EPHA4: variants seen among roughly 807,000 people sequenced by gnomAD.
The protein encoded by EPHA4 is EPH receptor A4.
EPHA4 carries 19 observed loss-of-function variants against 108.3 expected under a neutral mutation model. The observed-to-expected ratio is 0.18, with a 90% CI of 0.12 to 0.26. The LOEUF (loss-of-function observed/expected upper bound fraction) is 0.26. EPHA4 is among the 10% of genes least tolerant of loss of function. The probability of loss-of-function intolerance (pLI) is 1.00; values close to 1 mark genes in which losing one functional copy is unlikely to be tolerated. For synonymous variants in EPHA4, 449 were observed against 455.5 expected (o/e 0.99, Z 0.18); for missense variants, 917 against 1,254.0 (o/e 0.73, Z 4.06).
rs766465905 is a variant in EPHA4, at chr2:221,563,886, G to C, written c.668C>G (p.Thr223Arg). 6.2e-7 allele frequency: 1 copy of C among 1,614,206 alleles called. No individual in the cohort carries two copies. The highest frequency in any genetic ancestry group is 8.5e-7 in the Non-Finnish European group (1 of 1,180,044). The change falls in exon 3 of 18, where the codon ACG becomes AGG. Residue 223 changes from threonine (T) to arginine (R), a missense_variant. By Grantham distance (71) the Thr-to-Arg change is moderately conservative (BLOSUM62 -1). This residue lies in a region of EPHA4 where 758 missense variants were observed against 1,076.7 expected (regional missense o/e 0.70). Transcript: ENST00000281821. ...QFPDTITGAD[T>R]SSLVEVRGSC... ...GCCTCGAACTTCCACCAGGGAAGAC[G>C]TATCAGCCCCTGTGATGGTGTCAGG...
intron 5 of EPHA4, among the ~76,000 whole-genome samples, chr2:221,473,496 C>T (rs1315060455): frequency 7.3e-6 from 1 of 137,494 alleles, no homozygotes; most frequent in Non-Finnish European, 1.5e-5. Flanking sequence ...GATTTAAGAT[C>T]TCTTAATGCA....
intron 4 of EPHA4, among the ~76,000 whole-genome samples, chr2:221,485,265 A>G (rs1332884080): frequency 5.3e-5 from 8 of 152,206 alleles, no homozygotes. Flanking sequence ...ACTCAGAGAT[A>G]TAGCACTTCC....
chr2:221,504,385 C>T (rs1449922759), intron 3 of EPHA4, among the ~76,000 whole-genome samples: 3 of 133,432 alleles, frequency 2.2e-5, no homozygotes, highest in Non-Finnish European at 3.3e-5. Flanking sequence ...AGAACCAACT[C>T]TTCTTTCATT....
chr2:221,526,852 CAAAAAAAAAAAAAAAAAAAAAAAAAAA>C (rs528335766), intron 3 of EPHA4, among the ~76,000 whole-genome samples: 21 of 48,616 alleles, frequency 4.3e-4, no homozygotes, highest in East Asian at 2.9e-3. Context: ...GACTCGGCCT[CAAAAAAAAAAAAAAAAAAAAAAAAAAA>C]AAAAAAAAAA....
At chr2:221,537,681 T>G (rs1693710534) in intron 3 of EPHA4, among the ~76,000 whole-genome samples, 1 of 152,194 alleles carries the variant, frequency 6.6e-6, no homozygotes, top group African/African-American at 2.4e-5. Flanking sequence ...CCCTAGCTAC[T>G]CAGGAGGCTG....
chr2:221,435,949 AAGG>A lies in EPHA4; in HGVS notation c.2346+447_2346+449del, dbSNP rs1468172369. ...CCTAAAACAACAACAAAAAAAAAAA[AAGG>A]AAGAAAGAGGCAGGAAGACAGGCAG... On this transcript the variant is annotated intron_variant, in intron 13 of 17. Transcript: ENST00000281821. Among the ~76,000 whole-genome samples, 13 of 151,966 alleles carry A rather than the reference AAGG, an allele frequency of 8.6e-5. No individual in the cohort carries two copies. In the East Asian group the frequency reaches 9.7e-4, roughly 11 times the overall value.
intron 4 of EPHA4, among the ~76,000 whole-genome samples, chr2:221,487,650 A>G (rs1477154703): frequency 1.3e-5 from 2 of 152,210 alleles, no homozygotes; most frequent in Non-Finnish European, 2.9e-5. Context: ...GATTGGTACA[A>G]AAGTAATGGT....
chr2:221,471,055 T>C (rs553923237), intron 5 of EPHA4, among the ~76,000 whole-genome samples: 16 of 152,220 alleles, frequency 1.1e-4, no homozygotes, highest in African/African-American at 3.6e-4. Flanking sequence ...ATAGGCATTA[T>C]AAGAATGGGG....
chr2:221,429,932 A>G lies in EPHA4; in HGVS notation c.2690+26T>C, dbSNP rs201216689. Reference sequence around the variant, plus strand: ...CCTCCTCTAATGTGTTCTTTCATACATCACTATTAAGTAAGCATGGCTGAC... The same window carrying G: ...CCTCCTCTAATGTGTTCTTTCATACGTCACTATTAAGTAAGCATGGCTGAC... On this transcript the variant is annotated intron_variant, in intron 15 of 17. Coordinates refer to ENST00000281821, the MANE Select transcript of EPHA4 (RefSeq NM_004438.5). 5.6e-4 allele frequency: 910 copies of G among 1,611,964 alleles called. 1 individual carries two copies. The highest frequency in any genetic ancestry group is 1.3e-3 in the South Asian group (121 of 90,514).
chr2:221,533,725 CAAAAAAAAAAAAAAAAA>C (rs144676444), intron 3 of EPHA4, among the ~76,000 whole-genome samples: 5 of 63,480 alleles, frequency 7.9e-5, no homozygotes, highest in East Asian at 6.0e-4. Context: ...TGACTAGTGT[CAAAAAAAAAAAAAAAAA>C]AAAAAAAAAA....
chr2:221,494,369 C>T (rs982346834), intron 4 of EPHA4, among the ~76,000 whole-genome samples: 3 of 152,192 alleles, frequency 2.0e-5, no homozygotes, highest in Admixed American at 6.5e-5. Flanking sequence ...TCTGGGAGGC[C>T]TAGGCGGGCG....
intron 3 of EPHA4, among the ~76,000 whole-genome samples, chr2:221,557,932 T>C (rs1559292866): frequency 6.6e-6 from 1 of 152,312 alleles, no homozygotes; most frequent in East Asian, 1.9e-4. Flanking sequence ...CATTCAATGT[T>C]TTAACAAAAA....
intron 3 of EPHA4, among the ~76,000 whole-genome samples, chr2:221,503,098 T>C (rs1692527010): frequency 6.6e-6 from 1 of 152,192 alleles, no homozygotes; most frequent in African/African-American, 2.4e-5. Flanking sequence ...AATGAGCCTC[T>C]GAACAGGAAC....
chr2:221,552,805 C>T (rs1299621599), intron 3 of EPHA4, among the ~76,000 whole-genome samples: 1 of 152,034 alleles, frequency 6.6e-6, no homozygotes, highest in Non-Finnish European at 1.5e-5. Context: ...GAAATTTGAT[C>T]GAGTATTTTA....
intron 5 of EPHA4, among the ~76,000 whole-genome samples, chr2:221,465,135 T>C (rs540455944): frequency 6.9e-4 from 105 of 152,304 alleles, no homozygotes; most frequent in Non-Finnish European, 1.2e-3. Context: ...ACAGCCACAT[T>C]ATCCTTCAGC....
chr2:221,482,683 T>G lies in EPHA4; in HGVS notation c.987A>C (p.Pro329=), dbSNP rs1456519164. ...DAASMPCTRP[P]SAPLNLISNV... ...TTGAAATCAAGTTCAGGGGAGCAGATGGTGGACCTGGAGAAAGAAAACCAC... is the reference window on the plus strand; with the variant it reads ...TTGAAATCAAGTTCAGGGGAGCAGAGGGTGGACCTGGAGAAAGAAAACCAC... Residue 329 remains proline, a synonymous_variant, in exon 5 of 18, where the codon CCA becomes CCC. Transcript: ENST00000281821. 3 of 1,591,366 alleles carry G rather than the reference T, an allele frequency of 1.9e-6. 1 individual carries two copies. In the South Asian group the frequency reaches 3.3e-5, roughly 18 times the overall value.
In EPHA4 at chr2:221,426,608, G is replaced by A. The variant is rs1158764547; in HGVS notation, c.2702C>T (p.Ala901Val). 6.2e-7 allele frequency: 1 copy of A among 1,613,374 alleles called. No individual in the cohort carries two copies. Among genetic ancestry groups the A allele is most frequent in the Non-Finnish European group, 8.5e-7 (1 of 1,179,866 alleles). The change falls in exon 16 of 18, where the codon GCC becomes GTC. Residue 901 changes from alanine (A) to valine (V), a missense_variant. Around this residue, in one of 3 missense-constraint regions of EPHA4, gnomAD observed 133 missense variants for 132.8 expected, o/e 1.00. Transcript: ENST00000281821. ...TTCAGGGGAGCTTGGATCCAACAAG[G>A]CAGTGTTAGGTCTAGAAAGAGAACA... is the stretch of plus-strand genomic sequence containing the variant. ...TGTESSRPNTALLDPSSPEFS... is the reference protein window; with the variant it reads ...TGTESSRPNTVLLDPSSPEFS...
At chr2:221,459,563 GCA>G (rs1399999520) in intron 5 of EPHA4, among the ~76,000 whole-genome samples, 3 of 150,892 alleles carry the variant, frequency 2.0e-5, no homozygotes, top group African/African-American at 4.9e-5. Context: ...ACACACACAG[GCA>G]CACACACACA....
intron 8 of EPHA4, 23 bp from the exon 9 acceptor site, chr2:221,446,204 G>C: frequency 6.9e-7 from 1 of 1,445,550 alleles, no homozygotes; most frequent in East Asian, 2.6e-5. Context: ...TTTTAAAAAA[G>C]AGAATTATTT....
Sources: gnomAD v4.1 joint callset for allele counts (sites outside exome capture counted in the v4.1 genomes callset) on GRCh38, gnomAD v4.1.1 for gene constraint, gnomAD v4.1.1 regional missense constraint, MANE v1.5 for transcripts, NCBI Gene and HGNC (gene_info 2026-07-23, HGNC 2026-07-21) for gene names.